Variants in FHIT observed in about 807,000 individuals in gnomAD.
FHIT encodes fragile histidine triad diadenosine triphosphatase, also known as bis(5'-adenosyl)-triphosphatase.
A neutral mutation model predicts 17.9 loss-of-function variants in FHIT; 19 were observed. The observed-to-expected ratio is 1.06, with a 90% CI of 0.74 to 1.56. The LOEUF is 1.56. Ranked by LOEUF, FHIT falls within the 40% of genes most tolerant of loss-of-function variation. The probability of loss-of-function intolerance (pLI) is 0.00; values close to 1 mark genes in which losing one functional copy is unlikely to be tolerated. For synonymous variants in FHIT, 81 were observed against 69.7 expected, an observed-to-expected ratio of 1.16 and a Z score of -0.81; for missense variants, 248 against 189.2, an observed-to-expected ratio of 1.31 and a Z score of -1.82.
At chr3:60,449,029 T>C (rs1266452754) in intron 5 of FHIT, among the ~76,000 whole-genome samples, 7 of 152,144 alleles carry the variant, frequency 4.6e-5, no homozygotes, top group Non-Finnish European at 1.0e-4. Flanking sequence ...TAAGCTTGAA[T>C]AAAGATCACT....
chr3:59,901,025 T>C (rs1040993029), intron 8 of FHIT, among the ~76,000 whole-genome samples: 1 of 152,236 alleles, frequency 6.6e-6, no homozygotes, highest in Non-Finnish European at 1.5e-5. Flanking sequence ...AAAAGTTTTC[T>C]TACTGTTTTG....
At chr3:60,325,582 C>A (rs891701198) in intron 5 of FHIT, among the ~76,000 whole-genome samples, 9 of 152,190 alleles carry the variant, frequency 5.9e-5, no homozygotes, top group Admixed American at 5.2e-4. Flanking sequence ...TATTCTGTTG[C>A]TAAAAATACA....
At chr3:60,398,368 A>T (rs1185354305) in intron 5 of FHIT, among the ~76,000 whole-genome samples, 1 of 152,174 alleles carries the variant, frequency 6.6e-6, no homozygotes, top group African/African-American at 2.4e-5. Context: ...ATAAAGGACA[A>T]TGCCAGTGTC....
intron 4 of FHIT, among the ~76,000 whole-genome samples, chr3:60,668,159 C>G (rs1553692922): frequency 6.6e-6 from 1 of 151,770 alleles, no homozygotes; most frequent in Non-Finnish European, 1.5e-5. Flanking sequence ...AAAGAGGCTT[C>G]CCTGACAGTA....
intron 5 of FHIT, among the ~76,000 whole-genome samples, chr3:60,052,323 A>T (rs1242525211): frequency 6.6e-5 from 10 of 152,134 alleles, no homozygotes; most frequent in Non-Finnish European, 1.3e-4. Context: ...CTGAAAAACT[A>T]GACTCAAACT....
intron 5 of FHIT, among the ~76,000 whole-genome samples, chr3:60,475,280 A>G (rs1386547966): frequency 6.6e-6 from 1 of 152,220 alleles, no homozygotes; most frequent in East Asian, 1.9e-4. Context: ...TAGGGGAGTT[A>G]AGTAACTCAG....
intron 8 of FHIT, among the ~76,000 whole-genome samples, chr3:59,783,967 G>T (rs1702723256): frequency 6.6e-6 from 1 of 152,158 alleles, no homozygotes; most frequent in South Asian, 2.1e-4. Flanking sequence ...CCTTAAATAG[G>T]AAGTCAGAAG....
chr3:60,709,847 G>A (rs2041471493), intron 4 of FHIT, among the ~76,000 whole-genome samples: 1 of 152,138 alleles, frequency 6.6e-6, no homozygotes, highest in South Asian at 2.1e-4. Flanking sequence ...TAAAGCAACA[G>A]ACTCACTTTG....
intron 4 of FHIT, among the ~76,000 whole-genome samples, chr3:60,565,935 T>C (rs1365590326): frequency 6.6e-6 from 1 of 152,182 alleles, no homozygotes; most frequent in African/African-American, 2.4e-5. Flanking sequence ...GCTTTGAATG[T>C]GTCCCAGAGA....
chr3:60,442,346 C>T (rs1275470663), intron 5 of FHIT, among the ~76,000 whole-genome samples: 1 of 152,196 alleles, frequency 6.6e-6, no homozygotes, highest in Non-Finnish European at 1.5e-5. Flanking sequence ...AAAACTCCCC[C>T]CATGCCTATG....
At chr3:60,041,869 A>T (rs1701453264) in intron 5 of FHIT, among the ~76,000 whole-genome samples, 2 of 152,238 alleles carry the variant, frequency 1.3e-5, no homozygotes, top group South Asian at 4.1e-4. Context: ...AAATCTATTT[A>T]AAAAATCATG....
intron 1 of FHIT, among the ~76,000 whole-genome samples, chr3:61,219,489 T>C (rs2039778984): frequency 6.6e-6 from 1 of 152,094 alleles, no homozygotes; most frequent in South Asian, 2.1e-4. Flanking sequence ...TTCCCATGTT[T>C]TCCTTGACCT....
chr3:61,150,548 A>T (rs2037357555), intron 2 of FHIT, among the ~76,000 whole-genome samples: 1 of 152,190 alleles, frequency 6.6e-6, no homozygotes, highest in Admixed American at 6.5e-5. Context: ...ATGAAAAATG[A>T]TCCTGTATCC....
intron 8 of FHIT, among the ~76,000 whole-genome samples, chr3:59,780,670 A>G (rs1262529124): frequency 1.3e-5 from 2 of 152,210 alleles, no homozygotes; most frequent in Admixed American, 6.5e-5. Flanking sequence ...TGCCCTTATA[A>G]GGACATGAAG....
At chr3:60,768,131 T>C (rs888637890) in intron 4 of FHIT, among the ~76,000 whole-genome samples, 2 of 152,126 alleles carry the variant, frequency 1.3e-5, no homozygotes, top group African/African-American at 2.4e-5. Context: ...CTAAAGGACA[T>C]TGAAGAAGAA....
At chr3:59,950,008 C>T (rs1469426330) in intron 7 of FHIT, among the ~76,000 whole-genome samples, 1 of 152,162 alleles carries the variant, frequency 6.6e-6, no homozygotes, top group Non-Finnish European at 1.5e-5. Context: ...GGAGGAACTG[C>T]AGAAGGAATA....
At chr3:60,745,948 G>C (rs1553715250) in intron 4 of FHIT, among the ~76,000 whole-genome samples, 1 of 152,152 alleles carries the variant, frequency 6.6e-6, no homozygotes, top group African/African-American at 2.4e-5. Context: ...GACTCCACAG[G>C]AAACCCATTA....
At chr3:60,200,989 T>A (rs1023320743) in intron 5 of FHIT, among the ~76,000 whole-genome samples, 1 of 152,164 alleles carries the variant, frequency 6.6e-6, no homozygotes, top group Non-Finnish European at 1.5e-5. Flanking sequence ...AAATGGTCCC[T>A]GTCTCCAACA....
intron 3 of FHIT, among the ~76,000 whole-genome samples, chr3:60,861,389 C>T (rs1703882931): frequency 6.7e-6 from 1 of 149,222 alleles, no homozygotes; most frequent in Admixed American, 6.8e-5. Flanking sequence ...CTACAGAATT[C>T]TTTGTTATGG....
Sources: gnomAD v4.1 joint callset for allele counts (sites outside exome capture counted in the v4.1 genomes callset) on GRCh38, gnomAD v4.1.1 for gene constraint, MANE v1.5 for transcripts, NCBI Gene and HGNC (gene_info 2026-07-23, HGNC 2026-07-21) for gene names.